PLPP1: variants seen among roughly 807,000 people sequenced by gnomAD.
PLPP1 encodes the protein phospholipid phosphatase 1, also known as lipid phosphate phosphohydrolase 1a.
PLPP1 carries 24 observed loss-of-function variants against 31.2 expected under a neutral mutation model. The ratio of observed to expected loss-of-function variants is 0.77; its 90% CI spans 0.56 to 1.08. The LOEUF (loss-of-function observed/expected upper bound fraction) is 1.08. Among genes scored for constraint, PLPP1 ranks in the 50% least tolerant of loss-of-function variants. The pLI is 0.00. For missense variants in PLPP1, 319 were observed against 342.7 expected (o/e 0.93, Z 0.55); for synonymous variants, 146 against 126.3 (o/e 1.16, Z -1.05).
At chr5:55,515,070 G>GA (rs1440224664) in intron 1 of PLPP1, among the ~76,000 whole-genome samples, 1 of 152,146 alleles carries the variant, frequency 6.6e-6, no homozygotes, top group African/African-American at 2.4e-5. Context: ...AGCTCTTTAG[G>GA]ACTAAATAAT....
intron 1 of PLPP1, among the ~76,000 whole-genome samples, chr5:55,515,634 T>C (rs1211427767): frequency 6.6e-6 from 1 of 152,140 alleles, no homozygotes; most frequent in Non-Finnish European, 1.5e-5. Flanking sequence ...CTCCAGTCTT[T>C]ATCTTGTTTG....
intron 1 of PLPP1, among the ~76,000 whole-genome samples, chr5:55,511,647 TGA>T (rs1184731975): frequency 1.4e-5 from 2 of 140,922 alleles, no homozygotes; most frequent in African/African-American, 5.3e-5. Flanking sequence ...TAACACGTGT[TGA>T]GTTTTTTTTT....
At chr5:55,513,435 AT>A (rs1278085093) in intron 1 of PLPP1, among the ~76,000 whole-genome samples, 1 of 150,588 alleles carries the variant, frequency 6.6e-6, no homozygotes, top group African/African-American at 2.4e-5. Context: ...TAATTTTTGT[AT>A]TTTTTTTCTT....
chr5:55,434,764 G>T (rs1249814776), intron 4 of PLPP1, among the ~76,000 whole-genome samples: 1 of 152,068 alleles, frequency 6.6e-6, no homozygotes, highest in African/African-American at 2.4e-5. Flanking sequence ...AAGTAAGTTG[G>T]ATTACAGACT....
In PLPP1 at chr5:55,524,217, T is replaced by C. The variant is rs548900394; in HGVS notation, c.58+10355A>G. On this transcript the variant is annotated intron_variant, in intron 1 of 5. Coordinates refer to ENST00000307259, the MANE Select transcript of PLPP1 (RefSeq NM_003711.4). ...CCTGGAGTACACTAGAAGAATTGTC[T>C]TGGGGCACACATAAAACACACTAAC... Among the ~76,000 whole-genome samples, 3 of 152,276 alleles carry C rather than the reference T, an allele frequency of 2.0e-5. No homozygotes were observed. The East Asian group carries it at 5.8e-4, about 29-fold the overall frequency.
intron 2 of PLPP1, chr5:55,468,393 A>G (rs1752350303): frequency 2.7e-6 from 1 of 365,880 alleles, no homozygotes; most frequent in African/African-American, 2.1e-5. Flanking sequence ...AAATTATATC[A>G]TCACTTACCT....
At chr5:55,442,785 C>G (rs146644145) in intron 3 of PLPP1, among the ~76,000 whole-genome samples, 1 of 152,104 alleles carries the variant, frequency 6.6e-6, no homozygotes, top group Non-Finnish European at 1.5e-5. Context: ...CTAAAAATGA[C>G]AGAATGCTTA....
intron 4 of PLPP1, among the ~76,000 whole-genome samples, chr5:55,439,344 C>G (rs1455157795): frequency 6.6e-6 from 1 of 152,196 alleles, no homozygotes; most frequent in African/African-American, 2.4e-5. Flanking sequence ...CAAGGCCGAG[C>G]TGTAACCAAT....
intron 4 of PLPP1, among the ~76,000 whole-genome samples, chr5:55,427,232 C>A (rs1019750559): frequency 6.6e-6 from 1 of 152,134 alleles, no homozygotes; most frequent in Non-Finnish European, 1.5e-5. Context: ...CATAGCTCTC[C>A]CCATGGACAC....
At chr5:55,530,181 TCAA>T in intron 1 of PLPP1, 1 of 1,321,854 alleles carries the variant, frequency 7.6e-7, no homozygotes, top group South Asian at 1.2e-5. Context: ...AAATGATTCT[TCAA>T]CAGCAGTTTG....
intron 1 of PLPP1, 140 bp downstream of exon 1, chr5:55,534,432 G>A: frequency 1.1e-6 from 1 of 893,792 alleles, no homozygotes; most frequent in Middle Eastern, 3.6e-4. Context: ...GGGTCCCTCG[G>A]CTGCAGAAGC....
intron 3 of PLPP1, among the ~76,000 whole-genome samples, chr5:55,460,380 A>T (rs1177626030): frequency 6.6e-6 from 1 of 152,196 alleles, no homozygotes; most frequent in Non-Finnish European, 1.5e-5. Flanking sequence ...AATCAAAAGA[A>T]ACCCTTGAAA....
At chr5:55,491,120 G>A in intron 1 of PLPP1, 1 of 1,606,824 alleles carries the variant, frequency 6.2e-7, no homozygotes, top group Middle Eastern at 1.7e-4. Flanking sequence ...GGAAGCTGTT[G>A]GGGAAGGGAA....
intron 4 of PLPP1, among the ~76,000 whole-genome samples, chr5:55,438,836 G>A (rs905908004): frequency 4.6e-5 from 7 of 151,930 alleles, no homozygotes; most frequent in African/African-American, 1.7e-4. Flanking sequence ...GGGAGGTGGA[G>A]CTTGCAGTGA....
chr5:55,498,419 A>AACACAC (rs371878208), intron 1 of PLPP1, among the ~76,000 whole-genome samples: 131 of 150,694 alleles, frequency 8.7e-4, no homozygotes, highest in African/African-American at 3.1e-3. Context: ...GTGTATCTAA[A>AACACAC]ACACACACAC....
chr5:55,491,660 C>T (rs13360629), intron 1 of PLPP1, among the ~76,000 whole-genome samples: 13,173 of 151,888 alleles, frequency 0.087, 770 homozygotes, highest in East Asian at 0.28. Flanking sequence ...GAGTTCAAGA[C>T]GAGCCTGGCC....
At chr5:55,472,736 GGAAGAGGAAGAAGAGGAAGAGGAAGAA>G (rs1309401070) in intron 2 of PLPP1, among the ~76,000 whole-genome samples, 10 of 128,968 alleles carry the variant, frequency 7.8e-5, no homozygotes, top group Admixed American at 3.4e-4. Context: ...AGGAAGAGGA[GGAAGAGGAAGAAGAGGAAGAGGAAGAA>G]GAAGAGGAAG....
At chr5:55,431,949 G>A (rs1178107828) in intron 4 of PLPP1, among the ~76,000 whole-genome samples, 1 of 151,836 alleles carries the variant, frequency 6.6e-6, no homozygotes, top group Non-Finnish European at 1.5e-5. Flanking sequence ...TTGGAGATAG[G>A]GTCTCACTGT....
Position 55,425,212 on chromosome 5 carries a change from C to G in PLPP1, c.849G>C (p.Gln283His). The G allele has an allele frequency of 6.2e-7, 1 of 1,613,234 alleles. No homozygotes were observed. Among genetic ancestry groups the G allele is most frequent in the Non-Finnish European group, 8.5e-7 (1 of 1,179,752 alleles). The change falls in exon 6 of 6, where the codon CAG becomes CAC. Residue 283 changes from glutamine to histidine, a missense_variant. Coordinates refer to ENST00000307259, the MANE Select transcript of PLPP1 (RefSeq NM_003711.4). ...TTGNHYPSNH[Q>H]P is the part of the protein sequence containing the mutation. ...CTGGGCACCCTGCTGCCTTTCAAGG[C>G]TGGTGATTGCTCGGATAGTGATTCC...
Sources: gnomAD v4.1 joint callset for allele counts (sites outside exome capture counted in the v4.1 genomes callset) on GRCh38, gnomAD v4.1.1 for gene constraint, MANE v1.5 for transcripts, NCBI Gene and HGNC (gene_info 2026-07-23, HGNC 2026-07-21) for gene names.